Variants in KCNAB1 observed in about 807,000 individuals in gnomAD.
KCNAB1 encodes voltage-gated potassium channel subunit beta-1.
In KCNAB1, 35 loss-of-function variants were observed where a neutral mutation model predicts 64.6. The ratio of observed to expected loss-of-function variants is 0.54; its 90% CI spans 0.41 to 0.72. KCNAB1 has a LOEUF of 0.72. Ranked by LOEUF, KCNAB1 falls within the 30% of genes least tolerant of loss-of-function variation. The pLI, the probability that KCNAB1 is intolerant of heterozygous loss-of-function variation, is 0.00. For synonymous variants in KCNAB1, 177 were observed against 183.8 expected, an observed-to-expected ratio of 0.96 and a Z score of 0.30; for missense variants, 401 against 512.9, an observed-to-expected ratio of 0.78 and a Z score of 2.11.
intron 1 of KCNAB1, among the ~76,000 whole-genome samples, chr3:156,154,254 C>A (rs1715585523): frequency 6.6e-6 from 1 of 152,176 alleles, no homozygotes; most frequent in African/African-American, 2.4e-5. Context: ...CTAACACACT[C>A]ATATTACAGA....
chr3:156,257,707 G>C (rs957545421), intron 1 of KCNAB1, among the ~76,000 whole-genome samples: 4 of 152,148 alleles, frequency 2.6e-5, no homozygotes, highest in African/African-American at 7.2e-5. Flanking sequence ...CACAAAGACT[G>C]CCTTCCATCC....
chr3:156,230,768 A>C (rs960276049), intron 1 of KCNAB1, among the ~76,000 whole-genome samples: 3 of 152,252 alleles, frequency 2.0e-5, no homozygotes, highest in Non-Finnish European at 2.9e-5. Flanking sequence ...CTCTGATCTA[A>C]GTAGTAGACA....
intron 1 of KCNAB1, among the ~76,000 whole-genome samples, chr3:156,200,371 C>G (rs1051124371): frequency 5.3e-5 from 8 of 152,232 alleles, no homozygotes; most frequent in African/African-American, 9.6e-5. Context: ...ATCCACTGCT[C>G]TCTTCAGAAC....
chr3:156,228,399 A>G (rs2108430261), intron 1 of KCNAB1, among the ~76,000 whole-genome samples: 1 of 152,296 alleles, frequency 6.6e-6, no homozygotes, highest in Admixed American at 6.5e-5. Context: ...TTTGACTGTT[A>G]CAGATCCCAG....
chr3:156,274,747 G>T (rs1027480182), intron 1 of KCNAB1, among the ~76,000 whole-genome samples: 6 of 152,138 alleles, frequency 3.9e-5, no homozygotes, highest in African/African-American at 1.4e-4. Flanking sequence ...GTAAAATTAC[G>T]TACATTTAAG....
intron 1 of KCNAB1, among the ~76,000 whole-genome samples, chr3:156,337,599 T>C (rs1723800476): frequency 1.3e-5 from 2 of 152,190 alleles, no homozygotes; most frequent in African/African-American, 4.8e-5. Flanking sequence ...ACATTCACTG[T>C]GTGTGGTTGA....
chr3:156,421,503 C>A, intron 1 of KCNAB1, 113 bp from the exon 2 acceptor site: 1 of 987,426 alleles, frequency 1.0e-6, no homozygotes, highest in Non-Finnish European at 1.6e-6. Flanking sequence ...TGTGGTTCTG[C>A]CTCTATCAGG....
chr3:156,275,568 C>A (rs1332291838), intron 1 of KCNAB1, among the ~76,000 whole-genome samples: 4 of 152,184 alleles, frequency 2.6e-5, no homozygotes, highest in Admixed American at 1.3e-4. Flanking sequence ...TGGAGTCAAT[C>A]CTCTCAAACT....
intron 1 of KCNAB1, among the ~76,000 whole-genome samples, chr3:156,360,506 T>C (rs1338815617): frequency 3.3e-5 from 5 of 152,154 alleles, no homozygotes; most frequent in Admixed American, 3.3e-4. Context: ...GGCCAGGAGT[T>C]TGAGGCCACC....
intron 1 of KCNAB1, among the ~76,000 whole-genome samples, chr3:156,396,690 C>A (rs1713489352): frequency 2.0e-5 from 3 of 152,174 alleles, no homozygotes. Context: ...TCTGGGTTAG[C>A]TTTATCTGCC....
intron 1 of KCNAB1, among the ~76,000 whole-genome samples, chr3:156,204,811 G>A (rs564648007): frequency 3.3e-5 from 5 of 151,622 alleles, no homozygotes; most frequent in African/African-American, 1.2e-4. Flanking sequence ...CAGTCTGGGC[G>A]ACAGAGTGAG....
Position 156,310,721 on chromosome 3 carries a change from G to A in KCNAB1, c.276-110895G>A, listed in dbSNP as rs148492659. Among the ~76,000 whole-genome samples the A allele has an allele frequency of 6.0e-3, 916 of 152,212 alleles. 10 individuals carry two copies. Among genetic ancestry groups the A allele is most frequent in the African/African-American group, 0.021 (881 of 41,550 alleles). ...CGGGAGGCTGAGGCAGGAGAATGGC[G>A]TGAACTCAGGAGGCGGAGCTTGCAG... On this transcript the variant is annotated intron_variant, in intron 1 of 13. Transcript: ENST00000490337.
In KCNAB1 at chr3:156,537,968, A is replaced by G. The variant is rs1252655608; in HGVS notation, c.*1221A>G. 1.3e-5 allele frequency: 2 copies of G among 152,208 alleles called. No homozygotes were observed. The highest frequency in any genetic ancestry group is 1.9e-4 in the East Asian group (1 of 5,202). The allele number at this position is 152,208 out of a possible 1,614,324, so 9.4% of individuals were successfully genotyped here. A position where few individuals can be genotyped will look rare whatever the true frequency, so the allele number is the denominator to read the frequency against. On this transcript the variant is annotated 3_prime_UTR_variant, in exon 14 of 14. Transcript: ENST00000490337. Reference sequence around the variant, plus strand: ...GTTCTATAATCATATTATATGCACTAAACTATATGCATGAAAGTTCTTTGC... The same window carrying G: ...GTTCTATAATCATATTATATGCACTGAACTATATGCATGAAAGTTCTTTGC...
rs1234669204 is a variant in KCNAB1 at position 156,537,309 on chromosome 3, A to T, written c.*562A>T. 6.5e-5 allele frequency: 23 copies of T among 353,392 alleles called. No individual in the cohort carries two copies. Among genetic ancestry groups the T allele is most frequent in the Non-Finnish European group, 1.0e-4 (21 of 200,160 alleles). 21.9% of individuals were successfully genotyped at this position (353,392 alleles called of 1,614,324 possible). Reference sequence around the variant, plus strand: ...AGAATAAGCAGAAATAATTTTATATATTTTTTTTCTATTTTCACATTCATA... The same window carrying T: ...AGAATAAGCAGAAATAATTTTATATTTTTTTTTTCTATTTTCACATTCATA... On this transcript the variant is annotated 3_prime_UTR_variant, in exon 14 of 14. Coordinates refer to ENST00000490337, the MANE Select transcript of KCNAB1 (RefSeq NM_172160.3).
At chr3:156,437,778 A>G (rs1055256956) in intron 2 of KCNAB1, among the ~76,000 whole-genome samples, 55 of 152,222 alleles carry the variant, frequency 3.6e-4, no homozygotes, top group Non-Finnish European at 7.3e-4. Context: ...TTATTTGGTC[A>G]GGGCGAAAGA....
At chr3:156,230,830 T>C (rs1499055) in intron 1 of KCNAB1, among the ~76,000 whole-genome samples, 73,643 of 152,108 alleles carry the variant, frequency 0.48, 18,989 homozygotes, top group East Asian at 0.8. Flanking sequence ...CTTCTGTGTG[T>C]ATATATCAGT....
intron 1 of KCNAB1, among the ~76,000 whole-genome samples, chr3:156,210,432 T>C (rs779503691): frequency 2.6e-5 from 4 of 152,234 alleles, no homozygotes; most frequent in Non-Finnish European, 4.4e-5. Flanking sequence ...ATTCTGTTTA[T>C]GCTTTCTGGA....
chr3:156,297,256 T>C (rs932038438), intron 1 of KCNAB1, among the ~76,000 whole-genome samples: 2 of 143,502 alleles, frequency 1.4e-5, no homozygotes, highest in African/African-American at 5.6e-5. Flanking sequence ...GTATTGAGGT[T>C]GGCTTTTTTT....
chr3:156,287,248 G>T (rs1479589783), intron 1 of KCNAB1, among the ~76,000 whole-genome samples: 2 of 149,574 alleles, frequency 1.3e-5, no homozygotes, highest in African/African-American at 4.9e-5. Context: ...TAATGCCAAA[G>T]AATTCCACAT....
Sources: allele counts gnomAD v4.1 joint callset (sites outside exome capture counted in the v4.1 genomes callset), GRCh38; gene constraint gnomAD v4.1.1; transcripts MANE v1.5; gene names NCBI Gene and HGNC (gene_info 2026-07-23, HGNC 2026-07-21).